The following TMEM165 variants were observed in gnomAD, a reference collection of about 807,000 sequenced individuals.
The protein encoded by TMEM165 is transmembrane protein 165.
TMEM165 carries 19 observed loss-of-function variants against 30.0 expected under a neutral mutation model. The observed-to-expected ratio is 0.63, with a 90% CI of 0.44 to 0.93. The LOEUF is 0.93. Ranked by LOEUF, TMEM165 falls within the 40% of genes least tolerant of loss-of-function variation. TMEM165 has a pLI of 0.00. For missense variants in TMEM165, 340 were observed against 417.0 expected (o/e 0.82, Z 1.61); for synonymous variants, 168 against 162.9 (o/e 1.03, Z -0.24).
At chr4:55,400,281 T>TTATATATAATATATAATATTATATATAA (rs1720918280) in intron 1 of TMEM165, among the ~76,000 whole-genome samples, 1 of 95,182 alleles carries the variant, frequency 1.1e-5, no homozygotes, top group Non-Finnish European at 1.8e-5. Context: ...TAATATAATA[T>TTATATATAATATATAATATTATATATAA]TATATATTAT....
At chr4:55,400,272 A>ATAATATTATATATTATATATAATATTAT (rs1720911094) in intron 1 of TMEM165, among the ~76,000 whole-genome samples, 1 of 83,174 alleles carries the variant, frequency 1.2e-5, no homozygotes, top group Non-Finnish European at 2.2e-5. Context: ...TATAATATAT[A>ATAATATTATATATTATATATAATATTAT]ATATAATATT....
chr4:55,449,486 G>C, intron 3 of TMEM165: 2 of 1,613,960 alleles, frequency 1.2e-6, no homozygotes, highest in Middle Eastern at 1.7e-4. Context: ...TCGGGATCTT[G>C]GTTGGTGTTG....
exon 4 of TMEM165, chr4:55,453,369 A>C (rs543651862): frequency 6.1e-6 from 3 of 495,852 alleles, no homozygotes; most frequent in African/African-American, 5.8e-5. Flanking sequence ...AATTAAGAAA[A>C]ATAAATAAAG....
At chr4:55,438,592 TA>T (rs2109649712) in intron 3 of TMEM165, 2 of 1,610,882 alleles carry the variant, frequency 1.2e-6, no homozygotes, top group Non-Finnish European at 8.5e-7. Context: ...GTATACATCA[TA>T]AAACGCAGTG....
At position 55,421,115 on chromosome 4, in the gene TMEM165, C is replaced by T. The variant is rs371145821; in HGVS notation, c.792+3130C>T. On this transcript the variant is annotated intron_variant, in intron 4 of 5. Transcript: ENST00000381334. ...GAGAATCTCTTGAACCCGGGTGAGC[C>T]GAGATCGCGCCACTGCACTCCACTC... Among the ~76,000 whole-genome samples the T allele has an allele frequency of 1.9e-4, 26 of 135,790 alleles. No homozygotes were observed. The Middle Eastern group carries it at 0.012, about 64-fold the overall frequency. The allele number at this position is 135,790 out of a possible 152,430, so 89.1% of individuals were successfully genotyped here.
exon 4 of TMEM165, chr4:55,453,124 G>A: frequency 6.2e-7 from 1 of 1,612,374 alleles, no homozygotes; most frequent in Non-Finnish European, 8.5e-7. Context: ...CCTAACTTCT[G>A]CATAACTACA....
chr4:55,447,997 C>CT (rs140564505), intron 3 of TMEM165, among the ~76,000 whole-genome samples: 4,160 of 151,956 alleles, frequency 0.027, 198 homozygotes, highest in African/African-American at 0.095. Flanking sequence ...ATTACTCCCC[C>CT]TTTTTTTTGG....
chr4:55,443,961 A>C, intron 3 of TMEM165: 2 of 1,441,602 alleles, frequency 1.4e-6, no homozygotes, highest in Non-Finnish European at 1.9e-6. Flanking sequence ...AGCATTAAAA[A>C]GAAGGCAAAA....
At chr4:55,408,319 T>C (rs1156340996) in intron 1 of TMEM165, among the ~76,000 whole-genome samples, 1 of 152,196 alleles carries the variant, frequency 6.6e-6, no homozygotes, top group Non-Finnish European at 1.5e-5. Context: ...ATGATGGGGA[T>C]GTGTTCTGAG....
downstream of TMEM165, among the ~76,000 whole-genome samples, chr4:55,427,002 T>A (rs1420635161): frequency 1.3e-5 from 2 of 151,284 alleles, no homozygotes; most frequent in African/African-American, 2.5e-5. Context: ...ATTGTTTGTT[T>A]GTTATAAAGA....
At chr4:55,403,082 A>G (rs1051513497) in intron 1 of TMEM165, among the ~76,000 whole-genome samples, 6 of 151,836 alleles carry the variant, frequency 4.0e-5, no homozygotes, top group African/African-American at 1.2e-4. Context: ...GAGCCACCAC[A>G]CCCGGCCCCT....
chr4:55,433,543 T>C (rs1722661699), intron 3 of TMEM165: 1 of 152,220 alleles, frequency 6.6e-6, no homozygotes, highest in Non-Finnish European at 1.5e-5. Context: ...TCTTCATTAT[T>C]CAGAACCTTT....
chr4:55,400,434 A>G (rs1720950276), intron 1 of TMEM165, among the ~76,000 whole-genome samples: 1 of 134,722 alleles, frequency 7.4e-6, no homozygotes, highest in Non-Finnish European at 1.5e-5. Context: ...ATATAAAAAT[A>G]TAATATATAT....
chr4:55,440,575 A>G (rs1723286982), intron 3 of TMEM165, among the ~76,000 whole-genome samples: 1 of 152,180 alleles, frequency 6.6e-6, no homozygotes, highest in Non-Finnish European at 1.5e-5. Context: ...CTACACAACC[A>G]AATACTTTAA....
chr4:55,397,768 A>G (rs561813751), intron 1 of TMEM165, among the ~76,000 whole-genome samples: 1 of 145,684 alleles, frequency 6.9e-6, no homozygotes, highest in South Asian at 2.1e-4. Context: ...CTTTGTTGAG[A>G]CAGGGTCTCG....
At chr4:55,416,180 T>C (rs1721712923) in intron 2 of TMEM165, 1 of 152,116 alleles carries the variant, frequency 6.6e-6, no homozygotes, top group Non-Finnish European at 1.5e-5. Context: ...ATTATATGTA[T>C]GGTCGTGTCC....
intron 1 of TMEM165, among the ~76,000 whole-genome samples, chr4:55,402,439 T>A (rs1331788623): frequency 1.7e-3 from 52 of 29,894 alleles, no homozygotes; most frequent in East Asian, 7.4e-3. Context: ...ATATATTTTT[T>A]TTTTTTTTTT....
intron 1 of TMEM165, among the ~76,000 whole-genome samples, chr4:55,408,444 G>C (rs982541079): frequency 6.6e-6 from 1 of 152,078 alleles, no homozygotes; most frequent in African/African-American, 2.4e-5. Flanking sequence ...TGGCTTTTAG[G>C]CTACAAATCT....
At position 55,417,547 on chromosome 4, in the gene TMEM165, G is replaced by A. The variant is rs139173656; in HGVS notation, c.610-256G>A. The A allele has an allele frequency of 2.4e-3, 1,281 of 524,092 alleles. 5 individuals are homozygous for A. The highest frequency in any genetic ancestry group is 3.4e-3 in the Non-Finnish European group (1,035 of 300,770). 32.5% of individuals were successfully genotyped at this position (524,092 alleles called of 1,614,324 possible). On this transcript the variant is annotated intron_variant, in intron 3 of 5. Transcript: ENST00000381334. ...TATAATTTTACCTGTTTCTCCCGTG[G>A]TGTCTAGGATAGTAAGTGAGCAGAG...
Sources: gnomAD v4.1 joint callset for allele counts (sites outside exome capture counted in the v4.1 genomes callset) on GRCh38, gnomAD v4.1.1 for gene constraint, MANE v1.5 for transcripts, NCBI Gene and HGNC (gene_info 2026-07-23, HGNC 2026-07-21) for gene names.